The following FMN2 variants were observed in gnomAD, a reference collection of about 807,000 sequenced individuals.
The protein encoded by FMN2 is formin 2.
FMN2 carries 51 observed loss-of-function variants against 142.3 expected under a neutral mutation model. The observed-to-expected ratio is 0.36, with a 90% CI of 0.29 to 0.45. The LOEUF is 0.45. Among genes scored for constraint, FMN2 ranks in the 20% least tolerant of loss-of-function variants. The pLI, the probability that FMN2 is intolerant of heterozygous loss-of-function variation, is 1.00. For synonymous variants in FMN2, 882 were observed against 869.8 expected, an observed-to-expected ratio of 1.01 and a Z score of -0.25; for missense variants, 1,936 against 2,122.8, an observed-to-expected ratio of 0.91 and a Z score of 1.73.
At chr1:240,119,145 T>G (rs1662137037) in intron 1 of FMN2, among the ~76,000 whole-genome samples, 1 of 151,800 alleles carries the variant, frequency 6.6e-6, no homozygotes, top group African/African-American at 2.4e-5. Flanking sequence ...CTGGCCAACA[T>G]GGTGAAATCT....
chr1:240,443,710 G>A (rs919701931), intron 16 of FMN2, among the ~76,000 whole-genome samples: 1 of 152,012 alleles, frequency 6.6e-6, no homozygotes, highest in African/African-American at 2.4e-5. Context: ...CTGAGATCAC[G>A]CCACTGCACT....
chr1:240,162,323 G>A (rs1160960839), intron 2 of FMN2, among the ~76,000 whole-genome samples: 3 of 151,948 alleles, frequency 2.0e-5, no homozygotes, highest in African/African-American at 4.8e-5. Context: ...AATTAGCCGG[G>A]CGTGGTGGCA....
intron 2 of FMN2, among the ~76,000 whole-genome samples, chr1:240,173,364 C>T (rs1664788721): frequency 6.6e-6 from 1 of 152,176 alleles, no homozygotes; most frequent in Admixed American, 6.5e-5. Context: ...ACACTCAGGA[C>T]TAGGGGACAA....
intron 6 of FMN2, among the ~76,000 whole-genome samples, chr1:240,221,740 C>G (rs1667123233): frequency 6.6e-6 from 1 of 151,114 alleles, no homozygotes; most frequent in African/African-American, 2.5e-5. Context: ...TTAATTAGAT[C>G]CCGTTTGTCA....
intron 7 of FMN2, among the ~76,000 whole-genome samples, chr1:240,277,782 G>A (rs543079423): frequency 5.9e-5 from 9 of 151,906 alleles, no homozygotes; most frequent in East Asian, 3.9e-4. Context: ...TGATCCGCCC[G>A]TCTTGGCCTC....
chr1:240,333,759 T>C, intron 11 of FMN2, 128 bp from the exon 12 acceptor site: 1 of 722,818 alleles, frequency 1.4e-6, no homozygotes, highest in Non-Finnish European at 2.1e-6. Flanking sequence ...ATCCAAAATG[T>C]AAAATTTCAC....
At chr1:240,162,232 G>A (rs948867006) in intron 2 of FMN2, among the ~76,000 whole-genome samples, 4 of 152,036 alleles carry the variant, frequency 2.6e-5, no homozygotes, top group Non-Finnish European at 4.4e-5. Context: ...TTGGGAGGCC[G>A]AGGCAGGTGG....
At chr1:240,442,140 C>T (rs1675641831) in intron 16 of FMN2, among the ~76,000 whole-genome samples, 1 of 152,150 alleles carries the variant, frequency 6.6e-6, no homozygotes, top group African/African-American at 2.4e-5. Flanking sequence ...TCTTTCTCCT[C>T]CTTTTTCCTC....
chr1:240,136,043 T>C (rs1312878053), intron 2 of FMN2, among the ~76,000 whole-genome samples: 1 of 152,080 alleles, frequency 6.6e-6, no homozygotes, highest in Non-Finnish European at 1.5e-5. Flanking sequence ...TGAATGTTTG[T>C]ATGACTGGAT....
At chr1:240,345,364 G>T (rs1671872797) in intron 13 of FMN2, among the ~76,000 whole-genome samples, 1 of 152,190 alleles carries the variant, frequency 6.6e-6, no homozygotes, top group Non-Finnish European at 1.5e-5. Context: ...AAAAGTCAGA[G>T]AATGTGAAAT....
chr1:240,338,527 A>C (rs573888491), intron 13 of FMN2, among the ~76,000 whole-genome samples: 2 of 152,318 alleles, frequency 1.3e-5, no homozygotes, highest in African/African-American at 4.8e-5. Context: ...AATTTCAAAA[A>C]TAAACAATTC....
chr1:240,210,261 G>T (rs1052900985), intron 5 of FMN2, among the ~76,000 whole-genome samples: 1 of 152,290 alleles, frequency 6.6e-6, no homozygotes, highest in East Asian at 1.9e-4. Flanking sequence ...AACGCACACT[G>T]TAAACCTCAC....
intron 2 of FMN2, among the ~76,000 whole-genome samples, chr1:240,155,312 TCTG>T (rs1018646933): frequency 3.3e-5 from 5 of 151,770 alleles, no homozygotes; most frequent in Non-Finnish European, 7.4e-5. Context: ...CCAATCTCAT[TCTG>T]CTGCCCAGGC....
At chr1:240,260,737 C>T (rs1342462141) in intron 7 of FMN2, among the ~76,000 whole-genome samples, 3 of 152,102 alleles carry the variant, frequency 2.0e-5, no homozygotes, top group South Asian at 2.1e-4. Context: ...CCTTTTGACA[C>T]GCGGAAGCTC....
chr1:240,244,077 T>C (rs535178765), intron 6 of FMN2, among the ~76,000 whole-genome samples: 1 of 152,192 alleles, frequency 6.6e-6, no homozygotes, highest in Non-Finnish European at 1.5e-5. Flanking sequence ...TTAATTCATC[T>C]CTATCGTTGA....
chr1:240,270,512 G>A (rs1668964122), intron 7 of FMN2, among the ~76,000 whole-genome samples: 1 of 152,002 alleles, frequency 6.6e-6, no homozygotes, highest in African/African-American at 2.4e-5. Flanking sequence ...TACTGCAACA[G>A]CACCTCATTG....
intron 4 of FMN2, among the ~76,000 whole-genome samples, chr1:240,201,427 C>T (rs559148164): frequency 2.0e-5 from 3 of 152,174 alleles, no homozygotes; most frequent in East Asian, 1.9e-4. Context: ...GTGAGCACCT[C>T]GTGGAGTTAG....
intron 8 of FMN2, among the ~76,000 whole-genome samples, chr1:240,307,383 A>G (rs1303468459): frequency 1.3e-5 from 2 of 152,144 alleles, no homozygotes; most frequent in African/African-American, 4.8e-5. Context: ...TTGAGGTCTT[A>G]CTTTTAAGTT....
chr1:240,093,573 GC>G lies in FMN2; in HGVS notation c.1465del (p.Leu489Ter). ...GCCGCTCGGCTGACTGGACGGAGGA[GC>G]TAGGCGCCCGCACGCCCCGGGTGGG... ...LSRSADWTEE[L>X]GARTPRVGGS... On this transcript the variant is annotated frameshift_variant, in exon 1 of 18. Coordinates refer to ENST00000319653, the MANE Select transcript of FMN2 (RefSeq NM_020066.5). LOFTEE classifies it high-confidence loss of function. 6.8e-7 allele frequency: 1 copy of G among 1,463,964 alleles called. No individual in the cohort carries two copies. 90.7% of individuals were successfully genotyped at this position (1,463,964 alleles called of 1,614,324 possible). A position where few individuals can be genotyped will look rare whatever the true frequency, so the allele number is the denominator to read the frequency against.
Sources: gnomAD v4.1 joint callset for allele counts (sites outside exome capture counted in the v4.1 genomes callset) on GRCh38, gnomAD v4.1.1 for gene constraint, MANE v1.5 for transcripts, NCBI Gene and HGNC (gene_info 2026-07-23, HGNC 2026-07-21) for gene names.